The following EIF2AK2 variants were observed in gnomAD, a reference collection of about 807,000 sequenced individuals.
The protein encoded by EIF2AK2 is eukaryotic translation initiation factor 2 alpha kinase 2.
Under a neutral mutation model 70.5 loss-of-function variants are expected in EIF2AK2, and 40 were observed. The ratio of observed to expected loss-of-function variants is 0.57; its 90% CI spans 0.44 to 0.74. EIF2AK2 has a LOEUF of 0.74. EIF2AK2 is among the 30% of genes least tolerant of loss of function. The pLI, the probability that EIF2AK2 is intolerant of heterozygous loss-of-function variation, is 0.00. For missense variants in EIF2AK2, 555 were observed against 644.3 expected, an observed-to-expected ratio of 0.86 and a Z score of 1.50; for synonymous variants, 198 against 220.9, an observed-to-expected ratio of 0.90 and a Z score of 0.92.
rs1200441615 is a variant in EIF2AK2 at position 37,102,990 on chromosome 2, G to C, written c.*4283C>G. The C allele has an allele frequency of 7.0e-6, 1 of 142,000 alleles. No homozygotes were observed. The highest frequency in any genetic ancestry group is 1.5e-5 in the Non-Finnish European group (1 of 65,878). The allele number at this position is 142,000 out of a possible 1,614,324, so 8.8% of individuals were successfully genotyped here. ...CTAGGGAGGCAATTATATTAAAATG[G>C]CTCTCAAAATTTCTGTGTGTGTGTG... On this transcript the variant is annotated 3_prime_UTR_variant, in exon 17 of 17. Transcript: ENST00000233057.
intron 4 of EIF2AK2, among the ~76,000 whole-genome samples, chr2:37,143,016 C>A (rs1331324288): frequency 6.6e-6 from 1 of 152,048 alleles, no homozygotes; most frequent in African/African-American, 2.4e-5. Flanking sequence ...ATCACGAGGT[C>A]AGGAGTTAAA....
At chr2:37,131,781 C>G (rs1238776511) in intron 10 of EIF2AK2, among the ~76,000 whole-genome samples, 1 of 152,138 alleles carries the variant, frequency 6.6e-6, no homozygotes, top group East Asian at 1.9e-4. Context: ...TGATGATACC[C>G]ACTGTCTTCC....
chr2:37,141,950 A>G (rs563665624), intron 4 of EIF2AK2, among the ~76,000 whole-genome samples: 5 of 152,354 alleles, frequency 3.3e-5, no homozygotes, highest in South Asian at 4.1e-4. Flanking sequence ...GGAAAGTACT[A>G]TAACACTTTC....
rs1367065045 is a variant in EIF2AK2 at position 37,137,024 on chromosome 2, C to A, written c.688-7G>T. The A allele has an allele frequency of 6.2e-7, 1 of 1,601,458 alleles. No homozygotes were observed. The highest frequency in any genetic ancestry group is 8.5e-7 in the Non-Finnish European group (1 of 1,174,408). On this transcript the variant is annotated splice_polypyrimidine_tract_variant and splice_region_variant and intron_variant, in intron 8 of 16. Coordinates refer to ENST00000233057, the MANE Select transcript of EIF2AK2 (RefSeq NM_001135651.3). ...GATTATTTCTGAGACCATTCTATAA[C>A]AAAAGAAAATGAGAAATAGTTTCAG... is the stretch of plus-strand genomic sequence containing the variant.
intron 14 of EIF2AK2, among the ~76,000 whole-genome samples, chr2:37,110,100 G>T (rs1674095292): frequency 6.6e-6 from 1 of 150,810 alleles, no homozygotes; most frequent in Non-Finnish European, 1.5e-5. Context: ...TTGAGACGGA[G>T]TCCCGCTGTC....
chr2:37,142,023 T>C (rs1051209833), intron 4 of EIF2AK2, among the ~76,000 whole-genome samples: 2 of 152,246 alleles, frequency 1.3e-5, no homozygotes, highest in Non-Finnish European at 2.9e-5. Context: ...TAAAGCTGTA[T>C]ACTGGATCAT....
At chr2:37,134,920 G>A (rs1485358363) in intron 10 of EIF2AK2, among the ~76,000 whole-genome samples, 9 of 152,270 alleles carry the variant, frequency 5.9e-5, no homozygotes, top group East Asian at 1.9e-4. Context: ...GGCCATCCAC[G>A]TCATTCCTTT....
chr2:37,152,892 C>T (rs1675795918), intron 1 of EIF2AK2, among the ~76,000 whole-genome samples: 1 of 152,208 alleles, frequency 6.6e-6, no homozygotes, highest in Non-Finnish European at 1.5e-5. Flanking sequence ...AATGAGTCCA[C>T]CATCTATCCA....
At chr2:37,141,348 A>G (rs963655788) in intron 5 of EIF2AK2, among the ~76,000 whole-genome samples, 2 of 152,188 alleles carry the variant, frequency 1.3e-5, no homozygotes, top group Non-Finnish European at 2.9e-5. Context: ...CCCTAATTTG[A>G]TCAATTATGG....
At chr2:37,127,133 T>C (rs1674769909) in intron 10 of EIF2AK2, among the ~76,000 whole-genome samples, 2 of 152,010 alleles carry the variant, frequency 1.3e-5, no homozygotes, top group Non-Finnish European at 2.9e-5. Flanking sequence ...TTCTACTTGG[T>C]TTTCTCTTCT....
intron 1 of EIF2AK2, among the ~76,000 whole-genome samples, chr2:37,151,998 G>A (rs1353199166): frequency 2.6e-5 from 4 of 152,342 alleles, no homozygotes; most frequent in East Asian, 1.9e-4. Context: ...CCCGGCAGGC[G>A]GAGCTTGCAG....
intron 9 of EIF2AK2, among the ~76,000 whole-genome samples, chr2:37,135,927 C>A (rs1675112102): frequency 3.9e-5 from 6 of 152,224 alleles, no homozygotes. Context: ...GCCACAGCAC[C>A]CAGCCAACTT....
At chr2:37,134,754 G>C (rs1408442622) in intron 10 of EIF2AK2, among the ~76,000 whole-genome samples, 2 of 152,006 alleles carry the variant, frequency 1.3e-5, no homozygotes, top group African/African-American at 4.8e-5. Flanking sequence ...TATGACAAAG[G>C]CTTATTTTTT....
intron 10 of EIF2AK2, 128 bp from the exon 11 acceptor site, chr2:37,126,539 G>T: frequency 7.4e-7 from 1 of 1,348,342 alleles, no homozygotes. Flanking sequence ...CTCTCCTTCT[G>T]AATAAGAAAG....
rs533414255 is a variant in EIF2AK2, at chr2:37,139,100, G to A, written c.517-515C>T. ...TAGGAGGCTGAGGTGGGTGGATCATGAGGTCAGGAGTTCAAGACCAGCCTG... is the reference window on the plus strand; with the variant it reads ...TAGGAGGCTGAGGTGGGTGGATCATAAGGTCAGGAGTTCAAGACCAGCCTG... On this transcript the variant is annotated intron_variant, in intron 6 of 16. Transcript: ENST00000233057. Among the ~76,000 whole-genome samples, 62 of 151,912 alleles carry A rather than the reference G, an allele frequency of 4.1e-4. No individual in the cohort carries two copies. The South Asian group carries it at 0.012, about 30-fold the overall frequency.
Position 37,134,881 on chromosome 2 carries a change from C to T in EIF2AK2, c.785+603G>A, listed in dbSNP as rs1675071717. 2.0e-5 allele frequency among the ~76,000 whole-genome samples: 3 copies of T among 152,330 alleles called. No homozygotes were observed. The South Asian group carries it at 6.2e-4, about 32-fold the overall frequency. ...TCCTCCTAGCCAACCTTTGCCCATT[C>T]CATCCATCCAATACGTTAGGAAGAG... is the stretch of plus-strand genomic sequence containing the variant. On this transcript the variant is annotated intron_variant, in intron 10 of 16. Coordinates refer to ENST00000233057, the MANE Select transcript of EIF2AK2 (RefSeq NM_001135651.3).
Position 37,138,563 on chromosome 2 carries a change from C to T in EIF2AK2, c.539G>A (p.Gly180Asp), listed in dbSNP as rs762000896. 4 of 1,614,030 alleles carry T rather than the reference C, an allele frequency of 2.5e-6. No homozygotes were observed. Among genetic ancestry groups the T allele is most frequent in the Non-Finnish European group, 2.5e-6 (3 of 1,179,968 alleles). Reference protein sequence around the residue: ...TSVKSDYLSSGSFATTCESQS... With the variant: ...TSVKSDYLSSDSFATTCESQS... ...GGACTCACACGTAGTAGCAAAAGAA[C>T]CAGAGGACAGGTAGTCAGATTTCTG... is the stretch of plus-strand genomic sequence containing the variant. The change falls in exon 7 of 17, where the codon GGT (glycine) becomes GAT (aspartate). Residue 180 changes from glycine (G) to aspartate (D), a missense_variant. By Grantham distance (94) the Gly-to-Asp change is moderately conservative. Around this residue, in one of 3 missense-constraint regions of EIF2AK2, gnomAD observed 208 missense variants for 191.8 expected, o/e 1.08. Coordinates refer to ENST00000233057, the MANE Select transcript of EIF2AK2 (RefSeq NM_001135651.3).
intron 10 of EIF2AK2, among the ~76,000 whole-genome samples, chr2:37,128,677 AGG>A (rs1169923994): frequency 1.3e-5 from 2 of 152,212 alleles, no homozygotes; most frequent in Non-Finnish European, 2.9e-5. Context: ...TTGACAGAAC[AGG>A]AGCATTACCA....
At chr2:37,139,418 G>C (rs1675249054) in intron 6 of EIF2AK2, among the ~76,000 whole-genome samples, 1 of 151,986 alleles carries the variant, frequency 6.6e-6, no homozygotes, top group Non-Finnish European at 1.5e-5. Flanking sequence ...GCCCAGCCTG[G>C]AGTTTAAAAA....
Sources: allele counts gnomAD v4.1 joint callset (sites outside exome capture counted in the v4.1 genomes callset), GRCh38; gene constraint gnomAD v4.1.1; regional missense constraint gnomAD v4.1.1; transcripts MANE v1.5; gene names NCBI Gene and HGNC (gene_info 2026-07-23, HGNC 2026-07-21).